The following EIF4G3 variants were observed in gnomAD, a reference collection of about 807,000 sequenced individuals.
EIF4G3 encodes the protein eukaryotic translation initiation factor 4 gamma 3.
Under a neutral mutation model 186.4 loss-of-function variants are expected in EIF4G3, and 34 were observed. The ratio of observed to expected loss-of-function variants is 0.18; its 90% CI spans 0.14 to 0.24. EIF4G3 has a LOEUF of 0.24. Among genes scored for constraint, EIF4G3 ranks in the 10% least tolerant of loss-of-function variants. The pLI is 1.00. For missense variants in EIF4G3, 1,536 were observed against 1,948.5 expected (o/e 0.79, Z 3.99); for synonymous variants, 673 against 679.5 (o/e 0.99, Z 0.15).
At chr1:20,917,933 A>G (rs2094075830) in intron 14 of EIF4G3, among the ~76,000 whole-genome samples, 1 of 146,374 alleles carries the variant, frequency 6.8e-6, no homozygotes, top group Admixed American at 6.9e-5. Context: ...AAAATTATAT[A>G]TAGTTATTTT....
intron 32 of EIF4G3, 97 bp from the exon 33 acceptor site, chr1:20,825,295 A>G: frequency 2.2e-6 from 2 of 921,960 alleles, no homozygotes; most frequent in Non-Finnish European, 1.6e-6. Flanking sequence ...CAAACAGTGC[A>G]AACCCCAAAA....
Position 20,825,267 on chromosome 1 carries a change from A to AG in EIF4G3, c.4270-70_4270-69insC. On this transcript the variant is annotated intron_variant, in intron 32 of 36. Coordinates refer to ENST00000602326, the MANE Select transcript of EIF4G3 (RefSeq NM_001391906.1). ...GAAGAAACAGAAAAAAAAAAAAAAA[A>AG]AAAGATTTGCTTGAAGTCAAACAGT... 5.7e-6 allele frequency: 7 copies of AG among 1,221,034 alleles called. No individual in the cohort carries two copies. In the African/African-American group the frequency reaches 7.7e-5, roughly 13 times the overall value. The allele number at this position is 1,221,034 out of a possible 1,614,324, so 75.6% of individuals were successfully genotyped here.
At chr1:21,175,657 C>T (rs901539376) in intron 2 of EIF4G3, 9 of 152,184 alleles carry the variant, frequency 5.9e-5, no homozygotes, top group African/African-American at 2.2e-4. Context: ...GACTGAAAAT[C>T]CAACATACCT....
At chr1:21,031,752 A>G (rs2092767799) in intron 4 of EIF4G3, among the ~76,000 whole-genome samples, 1 of 152,224 alleles carries the variant, frequency 6.6e-6, no homozygotes, top group Non-Finnish European at 1.5e-5. Context: ...AAATAGCAGA[A>G]GCAGAATTTC....
intron 33 of EIF4G3, among the ~76,000 whole-genome samples, chr1:20,818,863 G>C (rs577475239): frequency 6.6e-6 from 1 of 152,166 alleles, no homozygotes; most frequent in East Asian, 1.9e-4. Context: ...CCACAGTCTT[G>C]AGTTCTGTCA....
intron 14 of EIF4G3, among the ~76,000 whole-genome samples, chr1:20,928,680 T>A (rs1572983242): frequency 6.6e-6 from 1 of 152,214 alleles, no homozygotes; most frequent in Non-Finnish European, 1.5e-5. Flanking sequence ...ATTACAGATG[T>A]GAGCCACCAC....
intron 14 of EIF4G3, among the ~76,000 whole-genome samples, chr1:20,913,629 A>G (rs971924689): frequency 3.3e-5 from 5 of 152,012 alleles, no homozygotes; most frequent in African/African-American, 1.2e-4. Flanking sequence ...AGGTTTAGTA[A>G]TTTTATTTAT....
intron 2 of EIF4G3, among the ~76,000 whole-genome samples, chr1:21,122,469 CAG>C (rs1303498734): frequency 6.6e-6 from 1 of 152,110 alleles, no homozygotes; most frequent in Non-Finnish European, 1.5e-5. Context: ...TACAAGGTGA[CAG>C]AAAAGGAGAA....
chr1:20,873,735 A>C (rs933782667), intron 20 of EIF4G3, among the ~76,000 whole-genome samples: 5 of 151,508 alleles, frequency 3.3e-5, no homozygotes, highest in South Asian at 2.1e-4. Flanking sequence ...AAAAAAAAAA[A>C]AACCACGAGA....
intron 4 of EIF4G3, among the ~76,000 whole-genome samples, chr1:21,014,236 G>A (rs1276492179): frequency 6.6e-6 from 1 of 152,194 alleles, no homozygotes; most frequent in Non-Finnish European, 1.5e-5. Context: ...TAATTCAGCT[G>A]TTTTCAAGGA....
At chr1:20,830,762 C>A (rs923513684) in intron 30 of EIF4G3, among the ~76,000 whole-genome samples, 1 of 152,160 alleles carries the variant, frequency 6.6e-6, no homozygotes, top group Non-Finnish European at 1.5e-5. Context: ...ATGGGACAGT[C>A]CACAGAACAC....
chr1:21,065,137 G>C (rs1254477464), intron 3 of EIF4G3: 1 of 151,906 alleles, frequency 6.6e-6, no homozygotes, highest in Admixed American at 6.6e-5. Context: ...TAATTCCAAG[G>C]TATTAATAAA....
intron 14 of EIF4G3, among the ~76,000 whole-genome samples, chr1:20,925,656 C>T (rs2154560464): frequency 6.6e-6 from 1 of 152,282 alleles, no homozygotes; most frequent in Admixed American, 6.5e-5. Context: ...GTCCCAGATT[C>T]CTGAGTATCT....
rs555665309 is a variant in EIF4G3 at position 21,015,277 on chromosome 1, C to T, written c.-66-12469G>A. ...AGAAAAGGTAACAGAACCGAAGGGA[C>T]TTATGAGACACCATCAAGCAAATCA... On this transcript the variant is annotated intron_variant, in intron 4 of 36. Transcript: ENST00000602326. Among the ~76,000 whole-genome samples the T allele has an allele frequency of 2.7e-3, 406 of 152,014 alleles. 4 individuals carry two copies. The highest frequency in any genetic ancestry group is 9.2e-3 in the African/African-American group (383 of 41,476).
intron 3 of EIF4G3, among the ~76,000 whole-genome samples, chr1:21,058,966 A>AC (rs2094732342): frequency 6.9e-6 from 1 of 145,400 alleles, no homozygotes; most frequent in Admixed American, 6.9e-5. Context: ...CACACACACA[A>AC]ACCACTGTTT....
At chr1:20,868,245 G>T (rs567012871) in intron 20 of EIF4G3, among the ~76,000 whole-genome samples, 2 of 151,838 alleles carry the variant, frequency 1.3e-5, no homozygotes, top group Non-Finnish European at 2.9e-5. Context: ...TGCTTGGGCT[G>T]CTATAACAAA....
chr1:21,082,012 C>CA (rs2100846021), intron 3 of EIF4G3, among the ~76,000 whole-genome samples: 1 of 151,494 alleles, frequency 6.6e-6, no homozygotes, highest in South Asian at 2.1e-4. Context: ...AGGCTGGTCT[C>CA]AAACTCCTGA....
chr1:20,931,360 A>G (rs1033653098), intron 14 of EIF4G3, among the ~76,000 whole-genome samples: 10 of 152,190 alleles, frequency 6.6e-5, no homozygotes, highest in Admixed American at 6.5e-5. Flanking sequence ...GAATCTTGCT[A>G]TCTGGGCAGT....
intron 14 of EIF4G3, among the ~76,000 whole-genome samples, chr1:20,934,853 T>A (rs186564505): frequency 1.0e-3 from 154 of 152,230 alleles, no homozygotes; most frequent in African/African-American, 3.3e-3. Context: ...AAATCTTACC[T>A]CCTACTGAGG....
Sources: allele counts gnomAD v4.1 joint callset (sites outside exome capture counted in the v4.1 genomes callset), GRCh38; gene constraint gnomAD v4.1.1; transcripts MANE v1.5; gene names NCBI Gene and HGNC (gene_info 2026-07-23, HGNC 2026-07-21).